PLGRKT: variants seen among roughly 807,000 people sequenced by gnomAD.
The protein encoded by PLGRKT is plasminogen receptor with a C-terminal lysine.
Under a neutral mutation model 18.5 loss-of-function variants are expected in PLGRKT, and 22 were observed. That is an observed-to-expected ratio of 1.19 (90% CI 0.85 to 1.70). PLGRKT has a LOEUF of 1.70. PLGRKT is among the 40% of genes most tolerant of loss of function. PLGRKT has a pLI of 0.00. For synonymous variants in PLGRKT, 72 were observed against 52.8 expected, an observed-to-expected ratio of 1.36 and a Z score of -1.58; for missense variants, 235 against 174.4, an observed-to-expected ratio of 1.35 and a Z score of -1.96.
chr9:5,424,969 T>G (rs993595743), intron 3 of PLGRKT, among the ~76,000 whole-genome samples: 2 of 152,030 alleles, frequency 1.3e-5, no homozygotes, highest in African/African-American at 4.8e-5. Context: ...CTCATTTTCT[T>G]AACACCAAAG....
chr9:5,404,829 G>A (rs1349247447), intron 3 of PLGRKT, among the ~76,000 whole-genome samples: 4 of 152,124 alleles, frequency 2.6e-5, no homozygotes, highest in African/African-American at 9.7e-5. Flanking sequence ...GAAGAGAGGA[G>A]ATCAAATTGT....
At chr9:5,397,995 C>T (rs374495738) in intron 3 of PLGRKT, among the ~76,000 whole-genome samples, 5 of 151,972 alleles carry the variant, frequency 3.3e-5, no homozygotes, top group Admixed American at 2.0e-4. Flanking sequence ...AATAGGAACT[C>T]TGTAGCTTGG....
At chr9:5,427,060 T>C (rs1254015342) in intron 3 of PLGRKT, among the ~76,000 whole-genome samples, 2 of 152,240 alleles carry the variant, frequency 1.3e-5, no homozygotes, top group African/African-American at 4.8e-5. Context: ...TTACCCATGG[T>C]CAACCTCAGT....
At chr9:5,405,548 G>A (rs1208618725) in intron 3 of PLGRKT, among the ~76,000 whole-genome samples, 3 of 152,160 alleles carry the variant, frequency 2.0e-5, no homozygotes, top group Non-Finnish European at 4.4e-5. Flanking sequence ...GAGAGAAATG[G>A]TTAGCCATAT....
chr9:5,369,079 A>G (rs1400807616), intron 3 of PLGRKT, among the ~76,000 whole-genome samples: 1 of 152,198 alleles, frequency 6.6e-6, no homozygotes, highest in African/African-American at 2.4e-5. Flanking sequence ...ACCAAAAGCA[A>G]TAGCAACAAA....
intron 3 of PLGRKT, among the ~76,000 whole-genome samples, chr9:5,397,821 G>C (rs184327386): frequency 8.6e-5 from 13 of 151,954 alleles, no homozygotes; most frequent in Non-Finnish European, 1.3e-4. Flanking sequence ...TGTCAGCTGC[G>C]CTCAGCACAC....
At chr9:5,388,103 T>C (rs149468794) in intron 3 of PLGRKT, among the ~76,000 whole-genome samples, 21 of 151,996 alleles carry the variant, frequency 1.4e-4, no homozygotes, top group Middle Eastern at 3.4e-3. Flanking sequence ...TTTGAAATTA[T>C]GAGACTGGAT....
At chr9:5,420,577 T>C (rs1476050901) in intron 3 of PLGRKT, among the ~76,000 whole-genome samples, 1 of 152,078 alleles carries the variant, frequency 6.6e-6, no homozygotes, top group Non-Finnish European at 1.5e-5. Flanking sequence ...GTACACCCAC[T>C]CCCTCGGTGA....
Position 5,419,195 on chromosome 9 carries a change from G to C in PLGRKT, c.81+12702C>G, listed in dbSNP as rs191679764. On this transcript the variant is annotated intron_variant, in intron 3 of 5. Coordinates refer to ENST00000223864, the MANE Select transcript of PLGRKT (RefSeq NM_018465.4). ...TCTTTCAAAACACCCAGGAATACAA[G>C]GCCAGCAGCAATGGCAATTTTCAAA... Among the ~76,000 whole-genome samples, 22 of 152,306 alleles carry C rather than the reference G, an allele frequency of 1.4e-4. No individual in the cohort carries two copies. In the East Asian group the frequency reaches 3.5e-3, roughly 24 times the overall value.
Position 5,430,224 on chromosome 9 carries a change from T to TA in PLGRKT, c.81+1672_81+1673insT, listed in dbSNP as rs1563792208. Among the ~76,000 whole-genome samples the TA allele has an allele frequency of 2.1e-3, 314 of 152,314 alleles. 2 individuals carry two copies. The highest frequency in any genetic ancestry group is 7.2e-3 in the African/African-American group (300 of 41,566). ...TTCTGTAATAGGCTAACACGTTAGC[T>TA]TGCAAGTAGGGTAAAATCCCAGACC... On this transcript the variant is annotated intron_variant, in intron 3 of 5. Transcript: ENST00000223864.
intron 3 of PLGRKT, among the ~76,000 whole-genome samples, chr9:5,402,661 A>C (rs1217606261): frequency 6.6e-6 from 1 of 151,948 alleles, no homozygotes; most frequent in African/African-American, 2.4e-5. Flanking sequence ...CCAGGTGGGC[A>C]GGTTGTGGTA....
chr9:5,428,503 G>A (rs1188457606), intron 3 of PLGRKT, among the ~76,000 whole-genome samples: 1 of 152,156 alleles, frequency 6.6e-6, no homozygotes, highest in Non-Finnish European at 1.5e-5. Flanking sequence ...AATAATGATG[G>A]CTCTGAGTGG....
intron 3 of PLGRKT, among the ~76,000 whole-genome samples, chr9:5,408,604 G>A (rs554634820): frequency 6.6e-6 from 1 of 152,334 alleles, no homozygotes; most frequent in East Asian, 1.9e-4. Flanking sequence ...ATAGCCATGT[G>A]GTAGAAAAGA....
intron 3 of PLGRKT, among the ~76,000 whole-genome samples, chr9:5,397,126 G>A (rs1324190448): frequency 6.6e-6 from 1 of 151,918 alleles, no homozygotes; most frequent in African/African-American, 2.4e-5. Context: ...GAATGCGAAG[G>A]CTACAAAACG....
intron 3 of PLGRKT, among the ~76,000 whole-genome samples, chr9:5,390,600 G>A (rs1004229842): frequency 6.6e-6 from 1 of 151,792 alleles, no homozygotes; most frequent in African/African-American, 2.4e-5. Flanking sequence ...TAGTGGCTTT[G>A]GAGCCAGAGA....
chr9:5,434,102 G>A (rs1389964382), intron 2 of PLGRKT, among the ~76,000 whole-genome samples: 3 of 146,560 alleles, frequency 2.0e-5, no homozygotes, highest in South Asian at 2.2e-4. Context: ...CTGCCCGGCT[G>A]CCACCCTGTC....
intron 3 of PLGRKT, among the ~76,000 whole-genome samples, chr9:5,431,553 A>C (rs1818824813): frequency 6.6e-6 from 1 of 150,542 alleles, no homozygotes; most frequent in Non-Finnish European, 1.5e-5. Flanking sequence ...AAAAAAAAAA[A>C]AGACAGACCC....
At chr9:5,413,058 C>T (rs1369709640) in intron 3 of PLGRKT, among the ~76,000 whole-genome samples, 1 of 152,136 alleles carries the variant, frequency 6.6e-6, no homozygotes, top group Non-Finnish European at 1.5e-5. Context: ...GCTTGTCAGG[C>T]TAGCAAAAAC....
intron 3 of PLGRKT, among the ~76,000 whole-genome samples, chr9:5,367,304 A>G (rs1482249268): frequency 6.6e-6 from 1 of 152,208 alleles, no homozygotes; most frequent in Non-Finnish European, 1.5e-5. Flanking sequence ...CTAAGCAAAA[A>G]GAACAAAGCC....
Sources: allele counts gnomAD v4.1 joint callset (sites outside exome capture counted in the v4.1 genomes callset), GRCh38; gene constraint gnomAD v4.1.1; transcripts MANE v1.5; gene names NCBI Gene and HGNC (gene_info 2026-07-23, HGNC 2026-07-21).